The following RARRES1 variants were observed in gnomAD, a reference collection of about 807,000 sequenced individuals.
RARRES1 encodes the protein retinoic acid receptor responder protein 1.
A neutral mutation model predicts 30.6 loss-of-function variants in RARRES1; 34 were observed. The observed-to-expected ratio is 1.11, with a 90% CI of 0.84 to 1.48. The LOEUF (loss-of-function observed/expected upper bound fraction) is 1.48, where lower values mean the gene tolerates loss of function less well. Among genes scored for constraint, RARRES1 ranks in the 40% most tolerant of loss-of-function variants. RARRES1 has a pLI of 0.00. For missense variants in RARRES1, 373 were observed against 386.5 expected, an observed-to-expected ratio of 0.97 and a Z score of 0.29; for synonymous variants, 153 against 155.5, an observed-to-expected ratio of 0.98 and a Z score of 0.12.
chr3:158,709,709 G>GT (rs1727047052), intron 3 of RARRES1, among the ~76,000 whole-genome samples: 1 of 152,210 alleles, frequency 6.6e-6, no homozygotes, highest in South Asian at 2.1e-4. Flanking sequence ...GTGGGAGAGG[G>GT]TGGGACCATG....
rs146899459 is a variant in RARRES1 at position 158,707,924 on chromosome 3, C to T, written c.535+2814G>A. Among the ~76,000 whole-genome samples the T allele has an allele frequency of 4.3e-3, 654 of 152,300 alleles. 2 individuals carry two copies. Among genetic ancestry groups the T allele is most frequent in the Non-Finnish European group, 7.9e-3 (536 of 68,038 alleles). Reference sequence around the variant, plus strand: ...AACTGAGGATTTCCAGTACTCTTCACTGGCTTTTCTGTGTAATTTCTTTAA... The same window carrying T: ...AACTGAGGATTTCCAGTACTCTTCATTGGCTTTTCTGTGTAATTTCTTTAA... On this transcript the variant is annotated intron_variant, in intron 3 of 5. Coordinates refer to ENST00000237696, the MANE Select transcript of RARRES1 (RefSeq NM_206963.2).
chr3:158,701,865 C>T (rs142821363), intron 4 of RARRES1, among the ~76,000 whole-genome samples: 3 of 151,998 alleles, frequency 2.0e-5, no homozygotes, highest in Admixed American at 6.6e-5. Flanking sequence ...AACTTCAATC[C>T]GTTTGTGAGT....
chr3:158,732,080 C>T, intron 1 of RARRES1, 60 bp downstream of exon 1: 1 of 1,274,848 alleles, frequency 7.8e-7, no homozygotes, highest in Admixed American at 4.2e-5. Flanking sequence ...CCAGGTGTCA[C>T]CTCCCAGCGC....
At chr3:158,700,268 T>G (rs1049447805) in intron 4 of RARRES1, among the ~76,000 whole-genome samples, 2 of 151,864 alleles carry the variant, frequency 1.3e-5, no homozygotes, top group Non-Finnish European at 2.9e-5. Context: ...ACTTAAAATG[T>G]TTTTTTGAGA....
At chr3:158,724,573 A>G (rs893455023) in intron 1 of RARRES1, among the ~76,000 whole-genome samples, 3 of 152,178 alleles carry the variant, frequency 2.0e-5, no homozygotes, top group Non-Finnish European at 4.4e-5. Context: ...TCCAGAAGGA[A>G]CAAAGCCCTG....
At position 158,730,870 on chromosome 3, in the gene RARRES1, G is replaced by A. The variant is rs185203676; in HGVS notation, c.276+1270C>T. ...GCAATCTCGGCTCACCGCAACCTCC[G>A]CCTCCCAAGTTCAAGCGATTCTCCT... On this transcript the variant is annotated intron_variant, in intron 1 of 5. Coordinates refer to ENST00000237696, the MANE Select transcript of RARRES1 (RefSeq NM_206963.2). 7.0e-4 allele frequency among the ~76,000 whole-genome samples: 107 copies of A among 152,142 alleles called. 5 individuals carry two copies. In the South Asian group the frequency reaches 0.022, roughly 31 times the overall value.
At chr3:158,698,393 T>C (rs1726620808) in intron 4 of RARRES1, among the ~76,000 whole-genome samples, 1 of 152,230 alleles carries the variant, frequency 6.6e-6, no homozygotes, top group South Asian at 2.1e-4. Flanking sequence ...CATGTTCTCA[T>C]CTAATTCTCC....
intron 4 of RARRES1, among the ~76,000 whole-genome samples, chr3:158,704,210 C>CTTTTTTTTTTTTT (rs78169321): frequency 2.4e-5 from 2 of 82,808 alleles, no homozygotes; most frequent in African/African-American, 4.3e-5. Context: ...TATTGCAATA[C>CTTTTTTTTTTTTT]TTTTTTTTTT....
chr3:158,729,696 C>T (rs1559876693), intron 1 of RARRES1, among the ~76,000 whole-genome samples: 1 of 152,030 alleles, frequency 6.6e-6, no homozygotes, highest in African/African-American at 2.4e-5. Flanking sequence ...TTGTAATCTG[C>T]CCACCTCGGC....
rs1461964719 is a variant in RARRES1 at position 158,732,270 on chromosome 3, G to A, written c.146C>T (p.Pro49Leu). The part of the protein sequence containing the change: ...GSGDPDDPGQ[P>L]QDAGVPRRLL... The stretch of plus-strand genomic sequence containing the variant: ...CCTGCGCGGGACCCCAGCATCCTGA[G>A]GCTGCCCAGGGTCGTCGGGGTCCCC... The change falls in exon 1 of 6, where the codon CCT (proline) becomes CTT (leucine). Residue 49 changes from proline to leucine, a missense_variant. Pro to Leu is a moderately conservative substitution (Grantham distance 98). Transcript: ENST00000237696. The A allele has an allele frequency of 1.3e-5, 18 of 1,362,428 alleles. No homozygotes were observed. Among genetic ancestry groups the A allele is most frequent in the Non-Finnish European group, 1.7e-5 (18 of 1,068,020 alleles). The allele number at this position is 1,362,428 out of a possible 1,614,324, so 84.4% of individuals were successfully genotyped here.
chr3:158,711,112 G>A (rs1727123099), intron 2 of RARRES1, among the ~76,000 whole-genome samples, 179 bp from the exon 3 acceptor site: 1 of 152,000 alleles, frequency 6.6e-6, no homozygotes, highest in African/African-American at 2.4e-5. Flanking sequence ...TTCTCTCTTT[G>A]CTATCATTTA....
intron 1 of RARRES1, among the ~76,000 whole-genome samples, chr3:158,715,220 A>T (rs1202677523): frequency 6.6e-6 from 1 of 152,242 alleles, no homozygotes; most frequent in Non-Finnish European, 1.5e-5. Context: ...TTGGGGAGAT[A>T]TAAAGAAATA....
chr3:158,732,211 A>C lies in RARRES1; in HGVS notation c.205T>G (p.Phe69Val), dbSNP rs1727924197. 3.5e-6 allele frequency: 5 copies of C among 1,415,912 alleles called. No individual in the cohort carries two copies. In the East Asian group the frequency reaches 1.5e-4, roughly 43 times the overall value. 87.7% of individuals were successfully genotyped at this position (1,415,912 alleles called of 1,614,324 possible). ...GGCGAGCCGGACCGGAAGTTGAAGA[A>C]GTGAAGCGCCGCGCGCGCCGCCTGC... ...LQQAARAALH[F>V]FNFRSGSPSA... is the part of the protein sequence containing the mutation. The change falls in exon 1 of 6, where the codon TTC (phenylalanine) becomes GTC (valine). Residue 69 changes from phenylalanine to valine, a missense_variant. Physicochemically the swap from Phe to Val is conservative, Grantham distance 50 (BLOSUM62 -1). Transcript: ENST00000237696.
chr3:158,725,261 G>A (rs994598920), intron 1 of RARRES1, among the ~76,000 whole-genome samples: 6 of 152,146 alleles, frequency 3.9e-5, no homozygotes, highest in Non-Finnish European at 7.3e-5. Context: ...TTCAACTGAG[G>A]CACCATCCAA....
chr3:158,721,338 G>A (rs148072291), intron 1 of RARRES1, among the ~76,000 whole-genome samples: 6 of 135,070 alleles, frequency 4.4e-5, no homozygotes, highest in Non-Finnish European at 6.6e-5. Context: ...CCCCTACAGG[G>A]CTTGCTAAGA....
At chr3:158,719,680 T>TG (rs758335642) in intron 1 of RARRES1, among the ~76,000 whole-genome samples, 5 of 152,176 alleles carry the variant, frequency 3.3e-5, no homozygotes, top group Non-Finnish European at 7.4e-5. Context: ...CTTCCTCATA[T>TG]GCCATACCAT....
intron 3 of RARRES1, among the ~76,000 whole-genome samples, chr3:158,710,489 T>C (rs1044357815): frequency 3.3e-5 from 5 of 152,212 alleles, no homozygotes. Context: ...ATTACAGGCA[T>C]GAGCCACCGC....
chr3:158,699,851 T>G (rs1211136882), intron 4 of RARRES1, among the ~76,000 whole-genome samples: 1 of 152,152 alleles, frequency 6.6e-6, no homozygotes, highest in Non-Finnish European at 1.5e-5. Context: ...CAGTGATCAG[T>G]CTGGCATTGT....
At chr3:158,729,025 C>A (rs1244097143) in intron 1 of RARRES1, among the ~76,000 whole-genome samples, 3 of 152,098 alleles carry the variant, frequency 2.0e-5, no homozygotes, top group African/African-American at 7.2e-5. Context: ...TAGCCCAGTT[C>A]CTGGCACAGA....
Sources: allele counts gnomAD v4.1 joint callset (sites outside exome capture counted in the v4.1 genomes callset), GRCh38; gene constraint gnomAD v4.1.1; transcripts MANE v1.5; gene names NCBI Gene and HGNC (gene_info 2026-07-23, HGNC 2026-07-21).